CSMD1: variants seen among roughly 807,000 people sequenced by gnomAD.
The protein encoded by CSMD1 is CUB and Sushi multiple domains 1, also known as CUB and sushi domain-containing protein 1.
A neutral mutation model predicts 417.5 loss-of-function variants in CSMD1; 213 were observed. The ratio of observed to expected loss-of-function variants is 0.51; its 90% confidence interval spans 0.46 to 0.57. The LOEUF is 0.57. Ranked by LOEUF, CSMD1 falls within the 20% of genes least tolerant of loss-of-function variation. The pLI is 0.00. For synonymous variants in CSMD1, 2,862 were observed against 1,736.8 expected, an observed-to-expected ratio of 1.65 and a Z score of -16.11; for missense variants, 6,923 against 4,529.7, an observed-to-expected ratio of 1.53 and a Z score of -15.17.
intron 1 of CSMD1, among the ~76,000 whole-genome samples, chr8:4,905,540 T>C (rs1480477951): frequency 6.6e-6 from 1 of 151,848 alleles, no homozygotes; most frequent in Admixed American, 6.6e-5. Context: ...AAGAAATCGG[T>C]CAGACACAGT....
At chr8:4,957,020 GA>G (rs1809160828) in intron 1 of CSMD1, among the ~76,000 whole-genome samples, 1 of 152,212 alleles carries the variant, frequency 6.6e-6, no homozygotes, top group South Asian at 2.1e-4. Context: ...AGTCTAGCTA[GA>G]AATGTGAGAA....
intron 3 of CSMD1, among the ~76,000 whole-genome samples, chr8:4,033,552 G>A (rs1402986352): frequency 6.6e-6 from 1 of 152,188 alleles, no homozygotes; most frequent in Non-Finnish European, 1.5e-5. Flanking sequence ...TATCTGAAGT[G>A]TATTGATTGA....
chr8:4,516,444 A>G (rs114805287), intron 2 of CSMD1, among the ~76,000 whole-genome samples: 1 of 152,090 alleles, frequency 6.6e-6, no homozygotes, highest in Non-Finnish European at 1.5e-5. Context: ...TGCCCCAGAG[A>G]CGCCTCACCC....
chr8:4,049,531 T>C (rs73183975), intron 3 of CSMD1, among the ~76,000 whole-genome samples: 307 of 152,178 alleles, frequency 2.0e-3, no homozygotes, highest in Non-Finnish European at 3.4e-3. Context: ...CTTTGGTCTC[T>C]AGGGCCAACC....
chr8:3,667,643 G>A (rs1798769189), intron 7 of CSMD1, among the ~76,000 whole-genome samples: 2 of 152,128 alleles, frequency 1.3e-5, no homozygotes, highest in African/African-American at 4.8e-5. Flanking sequence ...GGTTGCTCTG[G>A]AAACCCAGGC....
intron 12 of CSMD1, among the ~76,000 whole-genome samples, chr8:3,414,212 CAAAAAAAA>C (rs1161625328): frequency 0.02 from 1,006 of 49,758 alleles, 12 homozygotes; most frequent in African/African-American, 0.052. Flanking sequence ...GCACCTAAAG[CAAAAAAAA>C]AAAAAAAAAA....
At chr8:3,543,997 A>G (rs1798550765) in intron 10 of CSMD1, among the ~76,000 whole-genome samples, 1 of 152,208 alleles carries the variant, frequency 6.6e-6, no homozygotes, top group South Asian at 2.1e-4. Flanking sequence ...AAGGGGATCA[A>G]GAAGCAGAGT....
rs767243472 is a variant in CSMD1 at position 2,950,266 on chromosome 8, T to C, written c.10279A>G (p.Lys3427Glu). 3.1e-6 allele frequency: 5 copies of C among 1,613,152 alleles called. No homozygotes were observed. Among genetic ancestry groups the C allele is most frequent in the Non-Finnish European group, 4.2e-6 (5 of 1,179,284 alleles). Residue 3427 changes from lysine (K) to glutamate (E), a missense_variant, in exon 67 of 70, where the codon AAG becomes GAG. Lys to Glu is a moderately conservative substitution (Grantham distance 56). Transcript: ENST00000635120. The part of the protein sequence containing the change: ...IKGQADIFVS[K>E]FENDNWGLDG... ...AGTCCCCAGTTGTCATTTTCGAACT[T>C]GCTTACAAAAATATCTGCCTGGCCT...
At chr8:4,823,280 T>G (rs992279750) in intron 1 of CSMD1, among the ~76,000 whole-genome samples, 2 of 152,100 alleles carry the variant, frequency 1.3e-5, no homozygotes, top group African/African-American at 4.8e-5. Context: ...CTCTTGGAAT[T>G]AAAAACAATT....
intron 38 of CSMD1, among the ~76,000 whole-genome samples, chr8:3,158,771 G>A (rs1014008117): frequency 1.4e-4 from 21 of 151,888 alleles, no homozygotes; most frequent in African/African-American, 4.8e-4. Context: ...ATCGTGACTC[G>A]GTGGCCTTAT....
At chr8:4,257,242 G>A (rs1803526025) in intron 3 of CSMD1, among the ~76,000 whole-genome samples, 1 of 152,072 alleles carries the variant, frequency 6.6e-6, no homozygotes. Flanking sequence ...ATTCTGCCAT[G>A]TATTTTAATT....
chr8:4,837,009 G>C (rs772117346), intron 1 of CSMD1, among the ~76,000 whole-genome samples: 14 of 149,490 alleles, frequency 9.4e-5, no homozygotes, highest in Admixed American at 2.6e-4. Context: ...CCAGAAGACA[G>C]GGCTCTGGCC....
At chr8:4,560,517 A>C (rs1414956259) in intron 2 of CSMD1, among the ~76,000 whole-genome samples, 1 of 152,124 alleles carries the variant, frequency 6.6e-6, no homozygotes, top group East Asian at 1.9e-4. Context: ...CTTTAACATG[A>C]TTTTGCATGC....
At chr8:4,325,597 G>C (rs987226716) in intron 3 of CSMD1, among the ~76,000 whole-genome samples, 5 of 152,106 alleles carry the variant, frequency 3.3e-5, no homozygotes, top group Non-Finnish European at 5.9e-5. Context: ...TATTATAGTA[G>C]GCAGGGCAAC....
chr8:3,385,054 A>T (rs1563333531), intron 18 of CSMD1, among the ~76,000 whole-genome samples: 1 of 121,020 alleles, frequency 8.3e-6, no homozygotes, highest in East Asian at 2.3e-4. Flanking sequence ...ATAAATATAT[A>T]ATATATAATA....
intron 1 of CSMD1, among the ~76,000 whole-genome samples, chr8:4,952,478 A>C (rs1808819495): frequency 6.6e-6 from 1 of 152,078 alleles, no homozygotes; most frequent in Non-Finnish European, 1.5e-5. Flanking sequence ...GAAAAGGCAA[A>C]ATATTTAAGG....
At chr8:3,274,911 G>A (rs1802158339) in intron 26 of CSMD1, among the ~76,000 whole-genome samples, 1 of 152,092 alleles carries the variant, frequency 6.6e-6, no homozygotes, top group East Asian at 1.9e-4. Context: ...TTTAATTGGT[G>A]CATTTAGTCC....
At chr8:4,022,440 C>T (rs1039102325) in intron 4 of CSMD1, among the ~76,000 whole-genome samples, 3 of 152,014 alleles carry the variant, frequency 2.0e-5, no homozygotes, top group Non-Finnish European at 2.9e-5. Context: ...CATCCATGGG[C>T]GTGGATGCAG....
rs572089109 is a variant in CSMD1, at chr8:4,860,989, G to A, written c.85+133343C>T. Among the ~76,000 whole-genome samples the A allele has an allele frequency of 1.3e-3, 201 of 152,128 alleles. 1 individual carries two copies. Among genetic ancestry groups the A allele is most frequent in the African/African-American group, 4.4e-3 (184 of 41,484 alleles). On this transcript the variant is annotated intron_variant, in intron 1 of 69. Transcript: ENST00000635120. ...TAAACCTGTGCTGCCAAAAATTCAC[G>A]TTCTCACTACTATTGTAATACATAT...
Sources: allele counts gnomAD v4.1 joint callset (sites outside exome capture counted in the v4.1 genomes callset), GRCh38; gene constraint gnomAD v4.1.1; transcripts MANE v1.5; gene names NCBI Gene and HGNC (gene_info 2026-07-23, HGNC 2026-07-21).